Variants in CROCC observed in about 807,000 individuals in gnomAD.
CROCC encodes ciliary rootlet coiled-coil, rootletin, also known as rootletin.
Under a neutral mutation model 245.2 loss-of-function variants are expected in CROCC, and 180 were observed. The observed-to-expected ratio is 0.73, with a 90% CI of 0.65 to 0.83. CROCC has a LOEUF of 0.83. Ranked by LOEUF, CROCC falls within the 40% of genes least tolerant of loss-of-function variation. CROCC has a pLI of 0.00. For missense variants in CROCC, 2,688 were observed against 2,779.4 expected (o/e 0.97, Z 0.74); for synonymous variants, 1,205 against 1,241.6 (o/e 0.97, Z 0.62).
At chr1:16,936,253 G>C (rs759070152) in intron 8 of CROCC, among the ~76,000 whole-genome samples, 2 of 152,184 alleles carry the variant, frequency 1.3e-5, no homozygotes, top group Non-Finnish European at 2.9e-5. Flanking sequence ...ACCCAGCCTA[G>C]TATAGTTTTA....
rs6698564 is a variant in CROCC at position 16,948,559 on chromosome 1, G to T, written c.2708+35G>T. 1.8e-4 allele frequency: 262 copies of T among 1,494,266 alleles called. No homozygotes were observed. The African/African-American group carries it at 2.4e-3, about 14-fold the overall frequency. 92.6% of individuals were successfully genotyped at this position (1,494,266 alleles called of 1,614,324 possible). A position where few individuals can be genotyped will look rare whatever the true frequency, so the allele number is the denominator to read the frequency against. The stretch of plus-strand genomic sequence containing the variant: ...TGGGCTCTGCCCAACCCGCCCTGGG[G>T]GGTCCTCCTGGGGCCACACCATGAC... On this transcript the variant is annotated intron_variant, in intron 18 of 36. Coordinates refer to ENST00000375541, the MANE Select transcript of CROCC (RefSeq NM_014675.5).
chr1:16,916,891 G>T (rs1248080131), intron 1 of CROCC, among the ~76,000 whole-genome samples: 1 of 152,292 alleles, frequency 6.6e-6, no homozygotes, highest in Non-Finnish European at 1.5e-5. Context: ...GCCGAGGCGG[G>T]TAGATCACTT....
intron 20 of CROCC, 126 bp downstream of exon 20, chr1:16,951,248 C>T: frequency 1.2e-6 from 1 of 850,252 alleles, no homozygotes. Flanking sequence ...CTGGGGACAG[C>T]TAGGAGGACT....
At chr1:16,925,547 G>A (rs1377379454) in intron 3 of CROCC, among the ~76,000 whole-genome samples, 1 of 149,310 alleles carries the variant, frequency 6.7e-6, no homozygotes, top group Non-Finnish European at 1.5e-5. Context: ...GGGATTTCAG[G>A]GCACAGCTGG....
chr1:16,922,582 G>A (rs2075432074), intron 1 of CROCC, 81 bp from the exon 2 acceptor site: 5 of 1,511,152 alleles, frequency 3.3e-6, no homozygotes, highest in East Asian at 2.3e-5. Flanking sequence ...ATCTTGGGCA[G>A]TAGGATTCTG....
Position 16,954,195 on chromosome 1 carries a change from A to C in CROCC, c.3187-28A>C. ...TGCCCCCAGGACCAGCCCATCCCCC[A>C]AGCCCTTTGTCCCCTGCCTCTGCCC... is the stretch of plus-strand genomic sequence containing the variant. On this transcript the variant is annotated intron_variant, in intron 21 of 36. Transcript: ENST00000375541. This position sits in a 1 kb window ranked among gnomAD's most constrained non-coding sequence, Gnocchi z 4.4. 1 of 1,597,438 alleles carries C rather than the reference A, an allele frequency of 6.3e-7. No individual in the cohort carries two copies. The highest frequency in any genetic ancestry group is 8.5e-7 in the Non-Finnish European group (1 of 1,169,754).
chr1:16,924,647 G>A (rs2075490412), intron 3 of CROCC, among the ~76,000 whole-genome samples, 168 bp downstream of exon 3: 1 of 152,406 alleles, frequency 6.6e-6, no homozygotes. Context: ...AAATCACTAT[G>A]CTCTTTAAGC....
At chr1:16,944,349 C>T (rs2075999984) in intron 14 of CROCC, 67 bp downstream of exon 14, 4 of 1,447,974 alleles carry the variant, frequency 2.8e-6, no homozygotes, top group Non-Finnish European at 3.7e-6. Flanking sequence ...ACAGTGCCCC[C>T]CTGGGGTTAG....
chr1:16,927,816 A>G (rs2075570309), intron 3 of CROCC, among the ~76,000 whole-genome samples: 1 of 152,274 alleles, frequency 6.6e-6, no homozygotes, highest in South Asian at 2.1e-4. Flanking sequence ...GCCGCCATCC[A>G]GGCAGAAACC....
upstream of CROCC, among the ~76,000 whole-genome samples, chr1:16,919,856 A>C (rs1456235049): frequency 2.0e-5 from 3 of 152,254 alleles, no homozygotes; most frequent in African/African-American, 7.2e-5. Context: ...CTGGGATTAT[A>C]GACCTGAATC....
upstream of CROCC, among the ~76,000 whole-genome samples, chr1:16,920,906 G>A (rs540495281): frequency 1.3e-5 from 2 of 152,240 alleles, no homozygotes; most frequent in African/African-American, 2.4e-5. Flanking sequence ...ACCACACCCG[G>A]CTAATTTTTG....
Position 16,951,073 on chromosome 1 carries a change from A to T in CROCC, c.2957A>T (p.Glu986Val). 6.3e-7 allele frequency: 1 copy of T among 1,598,678 alleles called. No individual in the cohort carries two copies. The highest frequency in any genetic ancestry group is 8.5e-7 in the Non-Finnish European group (1 of 1,174,026). The change falls in exon 20 of 37, where the codon GAG (glutamate) becomes GTG (valine). Residue 986 changes from glutamate to valine, a missense_variant. Physicochemically the swap from Glu to Val is moderately radical, Grantham distance 121 (BLOSUM62 -2). Around this residue, in one of 9 missense-constraint regions of CROCC, gnomAD observed 106 missense variants for 126.1 expected, o/e 0.84. Coordinates refer to ENST00000375541, the MANE Select transcript of CROCC (RefSeq NM_014675.5). ...AEREAQASLR[E>V]QRAAHEEDLQ... ...CGGGAGGCCCAGGCCTCTCTGCGGG[A>T]GCAGCGGGCAGCTCACGAGGAGGAC...
intron 1 of CROCC, among the ~76,000 whole-genome samples, chr1:16,922,436 T>A (rs1333858510): frequency 6.6e-6 from 1 of 152,250 alleles, no homozygotes; most frequent in Non-Finnish European, 1.5e-5. Context: ...GAGTTACCCG[T>A]AGGGTTTGGT....
chr1:16,969,746 TCC>T, intron 32 of CROCC, 37 bp from the exon 33 acceptor site: 1 of 1,590,864 alleles, frequency 6.3e-7, no homozygotes, highest in Non-Finnish European at 8.5e-7. Context: ...TCCTTAGGGC[TCC>T]CAGGCCAGCC....
chr1:16,968,252 A>G lies in CROCC; in HGVS notation c.4910A>G (p.Lys1637Arg). 6.4e-7 allele frequency: 1 copy of G among 1,568,168 alleles called. No homozygotes were observed. Among genetic ancestry groups the G allele is most frequent in the Non-Finnish European group, 8.6e-7 (1 of 1,158,026 alleles). The change falls in exon 31 of 37, where the codon AAG (lysine) becomes AGG (arginine). Residue 1637 changes from lysine (K) to arginine (R), a missense_variant. This residue lies in a region of CROCC where 1,218 missense variants were observed against 1,286.3 expected (regional missense o/e 0.95). Coordinates refer to ENST00000375541, the MANE Select transcript of CROCC (RefSeq NM_014675.5). ...KANETKLEGDKRRLKEVLDAS... is the reference protein window; with the variant it reads ...KANETKLEGDRRRLKEVLDAS... Reference sequence around the variant, plus strand: ...AATGAGACAAAGCTGGAGGGCGACAAGCGGCGCCTGAAGGAGGTTCTGGAC... The same window carrying G: ...AATGAGACAAAGCTGGAGGGCGACAGGCGGCGCCTGAAGGAGGTTCTGGAC...
In CROCC at chr1:16,922,036, G is replaced by T. The variant is rs572098800; in HGVS notation, c.18G>T (p.Ala6=). The T allele has an allele frequency of 2.6e-6, 4 of 1,550,782 alleles. No homozygotes were observed. The South Asian group carries it at 3.6e-5, about 14-fold the overall frequency. Reference sequence around the variant, plus strand: ...TCCCCCCCATGAGCTTGGGGCTGGCGGGGGCACAGGAGGTGGAGCTGACAC... The same window carrying T: ...TCCCCCCCATGAGCTTGGGGCTGGCTGGGGCACAGGAGGTGGAGCTGACAC... The part of the protein sequence containing the change: MSLGL[A]GAQEVELTLE... Residue 6 remains alanine (A), a synonymous_variant, in exon 1 of 37, where the codon GCG becomes GCT. Coordinates refer to ENST00000375541, the MANE Select transcript of CROCC (RefSeq NM_014675.5).
intron 7 of CROCC, among the ~76,000 whole-genome samples, chr1:16,930,877 C>T (rs1202216925): frequency 3.3e-5 from 5 of 152,408 alleles, no homozygotes; most frequent in African/African-American, 9.6e-5. Flanking sequence ...TGGCTCACGC[C>T]TGTAATCCCA....
chr1:16,960,057 A>G (rs2076305962), intron 26 of CROCC, among the ~76,000 whole-genome samples: 1 of 152,166 alleles, frequency 6.6e-6, no homozygotes, highest in Non-Finnish European at 1.5e-5. Context: ...ACTTGAGGCC[A>G]GGAGTTCGAG....
intron 3 of CROCC, among the ~76,000 whole-genome samples, chr1:16,926,330 G>A (rs1163282541): frequency 6.6e-6 from 1 of 152,254 alleles, no homozygotes; most frequent in Non-Finnish European, 1.5e-5. Flanking sequence ...CCGGGAGAGG[G>A]GCATGATAGG....
Sources: gnomAD v4.1 joint callset for allele counts (sites outside exome capture counted in the v4.1 genomes callset) on GRCh38, gnomAD v4.1.1 for gene constraint, gnomAD v4.1.1 regional missense constraint, Gnocchi (gnomAD v3.1) non-coding constraint, MANE v1.5 for transcripts, NCBI Gene and HGNC (gene_info 2026-07-23, HGNC 2026-07-21) for gene names.